The following BOC variants were observed in gnomAD, a reference collection of about 807,000 sequenced individuals.
BOC encodes the protein brother of CDO.
BOC carries 76 observed loss-of-function variants against 112.0 expected under a neutral mutation model. The ratio of observed to expected loss-of-function variants is 0.68; its 90% confidence interval spans 0.56 to 0.82. The LOEUF (loss-of-function observed/expected upper bound fraction) is 0.82. Ranked by LOEUF, BOC falls within the 40% of genes least tolerant of loss-of-function variation. The pLI is 0.00. For missense variants in BOC, 1,309 were observed against 1,511.7 expected (o/e 0.87, Z 2.22); for synonymous variants, 580 against 599.8 (o/e 0.97, Z 0.48).
chr3:113,261,533 G>A (rs1047783450), intron 4 of BOC, among the ~76,000 whole-genome samples: 3 of 152,112 alleles, frequency 2.0e-5, no homozygotes, highest in Admixed American at 2.0e-4. Flanking sequence ...AGACATCTGT[G>A]TTCATCTGGC....
chr3:113,252,750 C>A (rs1172180534), intron 4 of BOC, among the ~76,000 whole-genome samples: 1 of 152,182 alleles, frequency 6.6e-6, no homozygotes. Context: ...TCTTGGAGCC[C>A]CCCTCACAGT....
rs144251369 is a variant in BOC, at chr3:113,268,444, A to C, written c.522A>C (p.Arg174Ser). 469 of 1,613,546 alleles carry C rather than the reference A, an allele frequency of 2.9e-4. No individual in the cohort carries two copies. Among genetic ancestry groups the C allele is most frequent in the Non-Finnish European group, 3.6e-4 (430 of 1,179,862 alleles). The change falls in exon 5 of 20, where the codon AGA (arginine) becomes AGC (serine). Residue 174 changes from arginine (R) to serine (S), a missense_variant and splice_region_variant. Transcript: ENST00000682979. ...AACAAGAGTGGCTGGAGGCCTCCAG[A>C]GGTGAGTGGGCAGGAGCCCAGAGGC... ...SVKQEWLEAS[R>S]GNYLIMPSGN...
intron 7 of BOC, 139 bp downstream of exon 7, chr3:113,272,842 G>GAC (rs1164218358): frequency 5.2e-6 from 6 of 1,162,350 alleles, no homozygotes; most frequent in Non-Finnish European, 7.2e-6. Context: ...GCATGCTGAA[G>GAC]AGTCAGGGCT....
intron 8 of BOC, among the ~76,000 whole-genome samples, chr3:113,273,653 G>A (rs1235194414): frequency 2.0e-5 from 3 of 152,220 alleles, no homozygotes; most frequent in African/African-American, 7.2e-5. Context: ...TATGCCAGCT[G>A]AGCAGTGACC....
intron 4 of BOC, among the ~76,000 whole-genome samples, chr3:113,265,488 T>TCC (rs1947375282): frequency 1.3e-5 from 2 of 152,136 alleles, no homozygotes; most frequent in African/African-American, 4.8e-5. Flanking sequence ...TCACAATCAT[T>TCC]CACAGCTCGC....
intron 2 of BOC, among the ~76,000 whole-genome samples, chr3:113,218,416 G>A (rs1310151619): frequency 6.6e-6 from 1 of 152,214 alleles, no homozygotes; most frequent in African/African-American, 2.4e-5. Flanking sequence ...TGAAAGCAGA[G>A]GCTGCTCTGT....
At chr3:113,284,662 G>C in intron 17 of BOC, 95 bp downstream of exon 17, 2 of 1,510,142 alleles carry the variant, frequency 1.3e-6, no homozygotes, top group Non-Finnish European at 1.8e-6. Context: ...AGGGTCTCAG[G>C]CTGGGCTGCT....
At chr3:113,242,020 C>A (rs1944370248) in intron 2 of BOC, among the ~76,000 whole-genome samples, 1 of 150,814 alleles carries the variant, frequency 6.6e-6, no homozygotes, top group Non-Finnish European at 1.5e-5. Flanking sequence ...GGGAAGGCTT[C>A]ATAAATATTC....
chr3:113,222,370 A>G (rs1940858429), intron 2 of BOC, among the ~76,000 whole-genome samples: 2 of 152,184 alleles, frequency 1.3e-5, no homozygotes, highest in South Asian at 2.1e-4. Flanking sequence ...AAATAATTAC[A>G]TATAGATTTA....
intron 2 of BOC, among the ~76,000 whole-genome samples, chr3:113,233,078 C>A (rs576387874): frequency 6.6e-6 from 1 of 151,632 alleles, no homozygotes; most frequent in African/African-American, 2.4e-5. Context: ...GCTATTTTAC[C>A]CCAAGGCCTA....
intron 4 of BOC, 21 bp from the exon 5 acceptor site, chr3:113,268,272 AACCAGC>A (rs751041740): frequency 5.6e-6 from 9 of 1,613,440 alleles, no homozygotes; most frequent in Non-Finnish European, 7.6e-6. Context: ...GCTGTCCTCC[AACCAGC>A]ACCTTCCCTT....
At chr3:113,251,138 G>T (rs1254471982) in intron 4 of BOC, 1 of 570,168 alleles carries the variant, frequency 1.8e-6, no homozygotes, top group East Asian at 2.9e-5. Context: ...GAGCAGGGCC[G>T]TGCCGTGCCT....
At chr3:113,229,425 C>T (rs911194360) in intron 2 of BOC, among the ~76,000 whole-genome samples, 1 of 152,212 alleles carries the variant, frequency 6.6e-6, no homozygotes, top group Admixed American at 6.5e-5. Flanking sequence ...TAGCATCTAC[C>T]TTAGGGCCAT....
intron 2 of BOC, among the ~76,000 whole-genome samples, chr3:113,241,833 C>CT (rs758663806): frequency 5.3e-5 from 8 of 152,170 alleles, no homozygotes; most frequent in African/African-American, 1.9e-4. Context: ...CCACCTCCCC[C>CT]TACTCCTCAC....
chr3:113,216,296 G>C (rs938419746), intron 2 of BOC, 22 bp downstream of exon 2: 3 of 456,508 alleles, frequency 6.6e-6, no homozygotes, highest in African/African-American at 6.0e-5. Context: ...TTTCTCTTCA[G>C]TCTGATAGCT....
intron 6 of BOC, 127 bp from the exon 7 acceptor site, chr3:113,272,283 A>G (rs1018680089): frequency 1.5e-5 from 16 of 1,039,858 alleles, no homozygotes; most frequent in Non-Finnish European, 1.8e-5. Flanking sequence ...CCCACTCTAC[A>G]TAGGTTGAAA....
chr3:113,241,929 G>A (rs1184608101), intron 2 of BOC, among the ~76,000 whole-genome samples: 2 of 152,120 alleles, frequency 1.3e-5, no homozygotes, highest in Non-Finnish European at 2.9e-5. Flanking sequence ...GGGAGGAGGA[G>A]GAGGCTGGAG....
At chr3:113,238,372 C>T (rs542274715) in intron 2 of BOC, among the ~76,000 whole-genome samples, 5 of 152,214 alleles carry the variant, frequency 3.3e-5, no homozygotes, top group South Asian at 4.1e-4. Context: ...TGTCTGTTCA[C>T]GTATTCTCTT....
At chr3:113,257,161 C>T (rs1258244409) in intron 4 of BOC, among the ~76,000 whole-genome samples, 2 of 152,186 alleles carry the variant, frequency 1.3e-5, no homozygotes, top group African/African-American at 2.4e-5. Flanking sequence ...TAGATTCTCC[C>T]TAAGTCCAGC....
Sources: gnomAD v4.1 joint callset for allele counts (sites outside exome capture counted in the v4.1 genomes callset) on GRCh38, gnomAD v4.1.1 for gene constraint, MANE v1.5 for transcripts, NCBI Gene and HGNC (gene_info 2026-07-23, HGNC 2026-07-21) for gene names.